RBFOX1: variants seen among roughly 807,000 people sequenced by gnomAD.
The protein encoded by RBFOX1 is RNA binding protein fox-1 homolog 1.
RBFOX1 carries 8 observed loss-of-function variants against 57.7 expected under a neutral mutation model. That is an observed-to-expected ratio of 0.14 (90% CI 0.08 to 0.25). The LOEUF (loss-of-function observed/expected upper bound fraction) is 0.25. RBFOX1 is among the 10% of genes least tolerant of loss of function. The probability of loss-of-function intolerance (pLI) is 1.00; values close to 1 mark genes in which losing one functional copy is unlikely to be tolerated. For synonymous variants in RBFOX1, 326 were observed against 222.4 expected (o/e 1.47, Z -4.15); for missense variants, 611 against 548.5 (o/e 1.11, Z -1.14).
At chr16:5,837,274 C>A (rs1378121024) in intron 3 of RBFOX1, among the ~76,000 whole-genome samples, 1 of 151,616 alleles carries the variant, frequency 6.6e-6, no homozygotes, top group Non-Finnish European at 1.5e-5. Flanking sequence ...TAACTACACA[C>A]AAACTGCATC....
At chr16:5,773,521 G>A (rs1176495428) in intron 3 of RBFOX1, among the ~76,000 whole-genome samples, 1 of 152,210 alleles carries the variant, frequency 6.6e-6, no homozygotes, top group Non-Finnish European at 1.5e-5. Flanking sequence ...ACGTACTGCA[G>A]TTGCTATATT....
At position 7,518,236 on chromosome 16, in the gene RBFOX1, G is replaced by T; in HGVS notation, c.117G>T (p.Ala39=). 6.2e-7 allele frequency: 1 copy of T among 1,614,002 alleles called. No homozygotes were observed. The highest frequency in any genetic ancestry group is 8.5e-7 in the Non-Finnish European group (1 of 1,179,994). The part of the protein sequence containing the change: ...QFAPPQNGIP[A]EYTAPHPHPA... Reference sequence around the variant, plus strand: ...CTCCCCCGCAGAACGGTATCCCCGCGGAATACACGGCCCCTCATCCCCACC... The same window carrying T: ...CTCCCCCGCAGAACGGTATCCCCGCTGAATACACGGCCCCTCATCCCCACC... The change falls in exon 5 of 16, where the codon GCG becomes GCT. Residue 39 remains alanine, a synonymous_variant. Transcript: ENST00000550418.
chr16:7,441,331 A>T (rs1373054825), intron 4 of RBFOX1, among the ~76,000 whole-genome samples: 1 of 152,198 alleles, frequency 6.6e-6, no homozygotes, highest in Non-Finnish European at 1.5e-5. Flanking sequence ...AGATGGTGAA[A>T]TGCCTTGGAA....
chr16:7,493,222 C>G (rs1344720561), intron 4 of RBFOX1, among the ~76,000 whole-genome samples: 1 of 151,728 alleles, frequency 6.6e-6, no homozygotes, highest in Non-Finnish European at 1.5e-5. Context: ...TCAGGGATTT[C>G]AAGAACAGAC....
At chr16:6,669,299 C>G (rs1385417175) in intron 3 of RBFOX1, among the ~76,000 whole-genome samples, 1 of 152,148 alleles carries the variant, frequency 6.6e-6, no homozygotes, top group Non-Finnish European at 1.5e-5. Context: ...CACACTCACC[C>G]AATTCACTTC....
intron 3 of RBFOX1, among the ~76,000 whole-genome samples, chr16:6,792,429 A>T (rs570907959): frequency 2.6e-5 from 4 of 152,314 alleles, no homozygotes; most frequent in Admixed American, 6.5e-5. Flanking sequence ...TAAATATATA[A>T]TTAAAGGTCA....
At chr16:7,340,393 C>T (rs1292346525) in intron 4 of RBFOX1, among the ~76,000 whole-genome samples, 1 of 152,228 alleles carries the variant, frequency 6.6e-6, no homozygotes, top group African/African-American at 2.4e-5. Flanking sequence ...TTGCCTTCCA[C>T]TTCACTTGGC....
At chr16:7,156,464 T>G (rs897180553) in intron 4 of RBFOX1, among the ~76,000 whole-genome samples, 1 of 152,108 alleles carries the variant, frequency 6.6e-6, no homozygotes, top group Non-Finnish European at 1.5e-5. Context: ...TACATATACA[T>G]GCACATATAC....
chr16:6,529,761 C>G (rs546304104), intron 2 of RBFOX1, among the ~76,000 whole-genome samples: 2 of 152,012 alleles, frequency 1.3e-5, no homozygotes, highest in African/African-American at 4.8e-5. Flanking sequence ...TTCTACAAAA[C>G]GCCAAGTTGT....
intron 2 of RBFOX1, among the ~76,000 whole-genome samples, chr16:6,436,430 A>G (rs1309363519): frequency 6.6e-6 from 1 of 151,750 alleles, no homozygotes; most frequent in African/African-American, 2.4e-5. Flanking sequence ...TAATTCCCTT[A>G]TACATGATAC....
intron 4 of RBFOX1, among the ~76,000 whole-genome samples, chr16:5,999,908 G>T (rs9934221): frequency 0.12 from 3,825 of 33,006 alleles, 893 homozygotes; most frequent in African/African-American, 0.31. Context: ...AAAAAAAAAA[G>T]AGTGAAGAAG....
intron 4 of RBFOX1, among the ~76,000 whole-genome samples, chr16:7,072,236 A>G (rs1210321735): frequency 6.6e-6 from 1 of 152,156 alleles, no homozygotes; most frequent in East Asian, 1.9e-4. Context: ...TGAACCTTCT[A>G]TTCACTCCTT....
At chr16:7,348,873 C>T (rs547992479) in intron 4 of RBFOX1, among the ~76,000 whole-genome samples, 7 of 152,120 alleles carry the variant, frequency 4.6e-5, no homozygotes, top group South Asian at 2.1e-4. Context: ...ACCCAGGAGG[C>T]GGAGGTTTCA....
At chr16:7,555,818 A>G (rs1325552866) in intron 5 of RBFOX1, among the ~76,000 whole-genome samples, 2 of 151,910 alleles carry the variant, frequency 1.3e-5, no homozygotes, top group African/African-American at 4.8e-5. Flanking sequence ...TGTCAAGCCT[A>G]CCTCCACGGT....
intron 3 of RBFOX1, among the ~76,000 whole-genome samples, chr16:6,900,693 C>A (rs1265329705): frequency 2.0e-5 from 3 of 152,194 alleles, no homozygotes; most frequent in Admixed American, 2.0e-4. Context: ...CTTCTGGTCT[C>A]AGAATCTGTA....
intron 3 of RBFOX1, among the ~76,000 whole-genome samples, chr16:6,771,892 C>A (rs550230930): frequency 2.0e-5 from 3 of 152,072 alleles, no homozygotes; most frequent in African/African-American, 7.2e-5. Context: ...CCCATTAGAC[C>A]TTTGGTGTTC....
chr16:6,210,146 C>T (rs1470264729), intron 1 of RBFOX1, among the ~76,000 whole-genome samples: 2 of 151,016 alleles, frequency 1.3e-5, no homozygotes, highest in African/African-American at 4.9e-5. Flanking sequence ...GGTGAAACCC[C>T]ATCTCTACCA....
chr16:7,497,512 C>G (rs2069077295), intron 4 of RBFOX1, among the ~76,000 whole-genome samples: 1 of 152,152 alleles, frequency 6.6e-6, no homozygotes, highest in African/African-American at 2.4e-5. Context: ...TTTGGTATCT[C>G]TCTTTATCCA....
chr16:5,651,566 G>A (rs1464058583), intron 3 of RBFOX1, among the ~76,000 whole-genome samples: 4 of 151,956 alleles, frequency 2.6e-5, no homozygotes, highest in African/African-American at 7.3e-5. Context: ...GCATTTTTTC[G>A]GGGGAAATGA....
Sources: gnomAD v4.1 joint callset for allele counts (sites outside exome capture counted in the v4.1 genomes callset) on GRCh38, gnomAD v4.1.1 for gene constraint, MANE v1.5 for transcripts, NCBI Gene and HGNC (gene_info 2026-07-23, HGNC 2026-07-21) for gene names.